ARHGEF18: variants seen among roughly 807,000 people sequenced by gnomAD.
ARHGEF18 encodes rho guanine nucleotide exchange factor 18.
ARHGEF18 carries 93 observed loss-of-function variants against 155.7 expected under a neutral mutation model. That is an observed-to-expected ratio of 0.60 (90% CI 0.50 to 0.71). The LOEUF (loss-of-function observed/expected upper bound fraction) is 0.71, where lower values mean the gene tolerates loss of function less well. Among genes scored for constraint, ARHGEF18 ranks in the 30% least tolerant of loss-of-function variants. ARHGEF18 has a pLI of 0.00. For missense variants in ARHGEF18, 1,593 were observed against 1,816.1 expected (o/e 0.88, Z 2.23); for synonymous variants, 742 against 753.1 (o/e 0.99, Z 0.24).
chr19:7,473,081 A>G (rs1472006631), downstream of ARHGEF18: 1 of 456,252 alleles, frequency 2.2e-6, no homozygotes, highest in Admixed American at 2.3e-5. Context: ...TTTTGCTTTT[A>G]ATCCACAATA....
chr19:7,369,806 AAAAG>A (rs550272329), intron 2 of ARHGEF18, among the ~76,000 whole-genome samples: 38 of 152,034 alleles, frequency 2.5e-4, no homozygotes, highest in African/African-American at 6.5e-4. Flanking sequence ...CAAAAAAATT[AAAAG>A]AAAGAAAGAA....
At chr19:7,430,793 A>G (rs1973913920) in intron 10 of ARHGEF18, among the ~76,000 whole-genome samples, 1 of 152,142 alleles carries the variant, frequency 6.6e-6, no homozygotes, top group South Asian at 2.1e-4. Context: ...TGACAGAGCG[A>G]GACCCTCTCT....
At chr19:7,365,923 C>T (rs1969868969) in intron 2 of ARHGEF18, among the ~76,000 whole-genome samples, 1 of 152,168 alleles carries the variant, frequency 6.6e-6, no homozygotes, top group Non-Finnish European at 1.5e-5. Context: ...CATCCAAGCC[C>T]ATCTCTGCTC....
chr19:7,438,093 TCCTCCCTTCTCCTCC>T (rs1974388161), intron 10 of ARHGEF18, among the ~76,000 whole-genome samples: 1 of 107,474 alleles, frequency 9.3e-6, no homozygotes, highest in Non-Finnish European at 1.8e-5. Context: ...CCTTCCCCTC[TCCTCCCTTCTCCTCC>T]CCTCTTCTTT....
chr19:7,374,389 A>C (rs1243507234), intron 3 of ARHGEF18, among the ~76,000 whole-genome samples: 1 of 152,064 alleles, frequency 6.6e-6, no homozygotes, highest in East Asian at 1.9e-4. Context: ...TGAAAACTGC[A>C]TGTGAGGCCG....
Position 7,428,524 on chromosome 19 carries a change from A to AT in ARHGEF18, c.968-11809dup, listed in dbSNP as rs568859523. Among the ~76,000 whole-genome samples, 660 of 148,692 alleles carry AT rather than the reference A, an allele frequency of 4.4e-3. 5 individuals are homozygous for AT. The highest frequency in any genetic ancestry group is 0.011 in the South Asian group (53 of 4,666). Reference sequence around the variant, plus strand: ...CTTCCCACCTTGGCCTTCTGAAGAGATTTTTTTTTTTAAGTGGAACTTAAA... The same window carrying AT: ...CTTCCCACCTTGGCCTTCTGAAGAGATTTTTTTTTTTTAAGTGGAACTTAAA... On this transcript the variant is annotated intron_variant, in intron 10 of 28. Transcript: ENST00000668164.
intron 10 of ARHGEF18, chr19:7,392,721 GAAAAA>G (rs112251185): frequency 2.7e-5 from 2 of 72,838 alleles, no homozygotes; most frequent in African/African-American, 7.2e-5. Context: ...TCTCAAGAAA[GAAAAA>G]AAAAAAAAAA....
At chr19:7,429,777 A>G (rs1243406828) in intron 10 of ARHGEF18, among the ~76,000 whole-genome samples, 2 of 152,074 alleles carry the variant, frequency 1.3e-5, no homozygotes, top group Non-Finnish European at 2.9e-5. Flanking sequence ...ATCCCACAAG[A>G]GGGGCCCAGA....
At chr19:7,381,657 AAC>A (rs1344704381) in intron 8 of ARHGEF18, among the ~76,000 whole-genome samples, 4 of 151,620 alleles carry the variant, frequency 2.6e-5, no homozygotes, top group Non-Finnish European at 5.9e-5. Flanking sequence ...CAGCCTGGGC[AAC>A]AGAGTGAAAC....
Position 7,440,243 on chromosome 19 carries a change from G to A in ARHGEF18, c.968-101G>A. On this transcript the variant is annotated intron_variant, in intron 10 of 28. Transcript: ENST00000668164. This position sits in a 1 kb window ranked among gnomAD's most constrained non-coding sequence, Gnocchi z 5.4. The stretch of plus-strand genomic sequence containing the variant: ...ACGAGCTGCTGACCTCCAAGATCCT[G>A]TCTGTGCTGCGGCCGCAGTCGGAGC... The A allele has an allele frequency of 6.4e-7, 1 of 1,552,690 alleles. No homozygotes were observed. Among genetic ancestry groups the A allele is most frequent in the Non-Finnish European group, 8.7e-7 (1 of 1,147,542 alleles).
Position 7,470,671 on chromosome 19 carries a change from C to T in ARHGEF18, c.*373C>T, listed in dbSNP as rs1391693474. The T allele has an allele frequency of 5.0e-6, 2 of 398,394 alleles. No homozygotes were observed. Among genetic ancestry groups the T allele is most frequent in the East Asian group, 3.6e-5 (1 of 27,966 alleles). The allele number at this position is 398,394 out of a possible 1,614,324, so 24.7% of individuals were successfully genotyped here. A position where few individuals can be genotyped will look rare whatever the true frequency, so the allele number is the denominator to read the frequency against. On this transcript the variant is annotated 3_prime_UTR_variant, in exon 29 of 29. Transcript: ENST00000668164. This position sits in a 1 kb window ranked among gnomAD's most constrained non-coding sequence, Gnocchi z 5.9. ...AGTGAGGAACGGTGCCGGCTCTGCA[C>T]GGAGCTGAGGACAGGACAGACCTTG...
intron 1 of ARHGEF18, among the ~76,000 whole-genome samples, chr19:7,355,111 CACAG>C (rs144449257): frequency 2.5e-5 from 3 of 119,248 alleles, no homozygotes; most frequent in Admixed American, 1.8e-4. Context: ...CACACACACA[CACAG>C]ACAATCACAG....
At chr19:7,469,852 G>A (rs984171043) in intron 27 of ARHGEF18, 52 bp from the exon 28 acceptor site, 4 of 1,594,938 alleles carry the variant, frequency 2.5e-6, no homozygotes, top group Non-Finnish European at 3.4e-6. Context: ...GCCCTGGCGG[G>A]TGGGGACAGC....
chr19:7,469,515 G>A (rs1351645465), intron 27 of ARHGEF18, among the ~76,000 whole-genome samples: 4 of 152,304 alleles, frequency 2.6e-5, no homozygotes, highest in African/African-American at 4.8e-5. Flanking sequence ...AGTGGGACAC[G>A]GAGCCCAGAG....
Position 7,370,514 on chromosome 19 carries a change from AAAAT to A in ARHGEF18, c.16-2285_16-2282del, listed in dbSNP as rs1429108565. Among the ~76,000 whole-genome samples the A allele has an allele frequency of 3.3e-5, 5 of 152,126 alleles. No homozygotes were observed. The South Asian group carries it at 1.0e-3, about 32-fold the overall frequency. On this transcript the variant is annotated intron_variant, in intron 2 of 28. Transcript: ENST00000668164. Reference sequence around the variant, plus strand: ...CCATCTCAAAAAATAATAAATAAATAAAATAAATAAATAAATGTAAAAATAAAAT... The same window carrying A: ...CCATCTCAAAAAATAATAAATAAATAAAATAAATAAATGTAAAAATAAAAT...
intron 10 of ARHGEF18, among the ~76,000 whole-genome samples, chr19:7,408,575 C>T (rs1403182249): frequency 6.6e-6 from 1 of 152,238 alleles, no homozygotes; most frequent in Non-Finnish European, 1.5e-5. Flanking sequence ...GTCTCATGAG[C>T]TTAGCAGCTG....
intron 20 of ARHGEF18, among the ~76,000 whole-genome samples, chr19:7,461,724 A>C (rs2145883197): frequency 6.6e-6 from 1 of 152,182 alleles, no homozygotes; most frequent in Admixed American, 6.5e-5. Flanking sequence ...GCCAGGCTGG[A>C]GTACAGTACT....
At chr19:7,353,372 T>C (rs1568257826) in intron 1 of ARHGEF18, among the ~76,000 whole-genome samples, 1 of 151,634 alleles carries the variant, frequency 6.6e-6, no homozygotes, top group Non-Finnish European at 1.5e-5. Context: ...TTGGATCACC[T>C]GAGGTCAGGA....
rs34609858 is a variant in ARHGEF18, at chr19:7,431,510, C to CAAAAAAA, written c.968-8817_968-8811dup. Among the ~76,000 whole-genome samples, 72 of 51,278 alleles carry CAAAAAAA rather than the reference C, an allele frequency of 1.4e-3. 2 individuals carry two copies. Among genetic ancestry groups the CAAAAAAA allele is most frequent in the African/African-American group, 4.6e-3 (58 of 12,618 alleles). 33.6% of individuals were successfully genotyped at this position (51,278 alleles called of 152,430 possible). ...TGGACGACAGAGTGAGACTCCATCT[C>CAAAAAAA]AAAAAAAAAAAAAAAAAAAAAAAGG... On this transcript the variant is annotated intron_variant, in intron 10 of 28. Coordinates refer to ENST00000668164, the MANE Select transcript of ARHGEF18 (RefSeq NM_001367823.1).
Sources: gnomAD v4.1 joint callset for allele counts (sites outside exome capture counted in the v4.1 genomes callset) on GRCh38, gnomAD v4.1.1 for gene constraint, Gnocchi (gnomAD v3.1) non-coding constraint, MANE v1.5 for transcripts, NCBI Gene and HGNC (gene_info 2026-07-23, HGNC 2026-07-21) for gene names.